FREM3: variants seen among roughly 807,000 people sequenced by gnomAD.
The protein encoded by FREM3 is FRAS1 related extracellular matrix 3.
In FREM3, 105 loss-of-function variants were observed where a neutral mutation model predicts 129.1. The ratio of observed to expected loss-of-function variants is 0.81; its 90% confidence interval spans 0.69 to 0.96. The LOEUF is 0.96. Ranked by LOEUF, FREM3 falls within the 40% of genes least tolerant of loss-of-function variation. The pLI is 0.00. For missense variants in FREM3, 2,593 were observed against 2,666.3 expected (o/e 0.97, Z 0.61); for synonymous variants, 1,014 against 1,044.9 (o/e 0.97, Z 0.57).
rs1026287539 is a variant in FREM3 at position 143,698,737 on chromosome 4, G to C, written c.1939C>G (p.Gln647Glu). 1.5e-4 allele frequency: 234 copies of C among 1,537,148 alleles called. No homozygotes were observed. Among genetic ancestry groups the C allele is most frequent in the Non-Finnish European group, 2.0e-4 (231 of 1,146,944 alleles). The change falls in exon 1 of 8, where the codon CAG becomes GAG. Residue 647 changes from glutamine (Q) to glutamate (E), a missense_variant. Physicochemically the swap from Gln to Glu is conservative, Grantham distance 29. This residue lies in a region of FREM3 where 2,276 missense variants were observed against 2,267.2 expected (regional missense o/e 1.00). Transcript: ENST00000329798. Reference sequence around the variant, plus strand: ...AGTCTCCCTTCCATTATGTCTCTCTGTAGCCACTCAGTCACCACTTTCTCA... The same window carrying C: ...AGTCTCCCTTCCATTATGTCTCTCTCTAGCCACTCAGTCACCACTTTCTCA... Reference protein sequence around the residue: ...LYEKVVTEWLQRDIMEGRLFY... With the variant: ...LYEKVVTEWLERDIMEGRLFY...
chr4:143,615,915 C>G (rs908196450), intron 5 of FREM3, among the ~76,000 whole-genome samples: 4 of 152,140 alleles, frequency 2.6e-5, no homozygotes, highest in Non-Finnish European at 4.4e-5. Flanking sequence ...CCTCACAGAG[C>G]TGACTTGGAA....
chr4:143,686,924 G>A (rs915089999), intron 2 of FREM3, among the ~76,000 whole-genome samples: 1 of 151,804 alleles, frequency 6.6e-6, no homozygotes, highest in East Asian at 1.9e-4. Flanking sequence ...GGAGAAACAA[G>A]AACAAACCAA....
At chr4:143,581,097 C>T (rs907234820) in intron 7 of FREM3, among the ~76,000 whole-genome samples, 4 of 152,218 alleles carry the variant, frequency 2.6e-5, no homozygotes, top group Admixed American at 1.3e-4. Context: ...TCAGGACTAA[C>T]TCAGGCCTCC....
At position 143,655,795 on chromosome 4, in the gene FREM3, C is replaced by T. The variant is rs116267698; in HGVS notation, c.5276-28035G>A. On this transcript the variant is annotated intron_variant, in intron 2 of 7. Coordinates refer to ENST00000329798, the MANE Select transcript of FREM3 (RefSeq NM_001168235.2). ...CCTACAAGGGGCAAGGACCAGGGGC[C>T]CAGGGCATAGCTAGAGGCTATAAGC... 4.3e-3 allele frequency among the ~76,000 whole-genome samples: 654 copies of T among 152,238 alleles called. 2 individuals are homozygous for T. Among genetic ancestry groups the T allele is most frequent in the African/African-American group, 0.015 (626 of 41,528 alleles).
At chr4:143,694,436 A>G (rs569040688) in intron 1 of FREM3, among the ~76,000 whole-genome samples, 3 of 152,012 alleles carry the variant, frequency 2.0e-5, no homozygotes, top group African/African-American at 4.8e-5. Context: ...CCTATTGGCT[A>G]TTCTCTTGGG....
chr4:143,674,306 A>T (rs1392739800), intron 2 of FREM3, among the ~76,000 whole-genome samples: 1 of 152,194 alleles, frequency 6.6e-6, no homozygotes, highest in Admixed American at 6.5e-5. Context: ...TCATAAGTGG[A>T]GGAGAAATAA....
At position 143,591,560 on chromosome 4, in the gene FREM3, T is replaced by C. The variant is rs1409953785; in HGVS notation, c.6029-5567A>G. Among the ~76,000 whole-genome samples the C allele has an allele frequency of 3.3e-5, 5 of 152,322 alleles. No individual in the cohort carries two copies. The East Asian group carries it at 9.6e-4, about 29-fold the overall frequency. Reference sequence around the variant, plus strand: ...TGTAGTTGAGCGGTTTTGAGTGAGTTTCTTAATCCTGAGTAGTAGTTTGAT... The same window carrying C: ...TGTAGTTGAGCGGTTTTGAGTGAGTCTCTTAATCCTGAGTAGTAGTTTGAT... On this transcript the variant is annotated intron_variant, in intron 6 of 7. Coordinates refer to ENST00000329798, the MANE Select transcript of FREM3 (RefSeq NM_001168235.2).
intron 2 of FREM3, among the ~76,000 whole-genome samples, chr4:143,655,158 G>A (rs1417143803): frequency 2.0e-5 from 3 of 152,140 alleles, no homozygotes; most frequent in African/African-American, 7.2e-5. Flanking sequence ...TCATTGTACT[G>A]TGCACCAGTG....
rs1029021343 is a variant in FREM3 at position 143,700,169 on chromosome 4, C to T, written c.507G>A (p.Leu169=). ...CTACCAAAGGCCTGTTACGCGTCAC[C>T]AGCTCCAGCTGGGAGAAGACCAAGT... The part of the protein sequence containing the change: ...AVDLVFSQLE[L]VTRNRPLVVE... The change falls in exon 1 of 8, where the codon CTG becomes CTA. Residue 169 remains leucine, a synonymous_variant. Transcript: ENST00000329798. The T allele has an allele frequency of 3.3e-6, 5 of 1,536,936 alleles. No homozygotes were observed. In the Admixed American group the frequency reaches 7.8e-5, roughly 24 times the overall value.
Position 143,661,527 on chromosome 4 carries a change from C to G in FREM3, c.5275+31586G>C, listed in dbSNP as rs1055382947. ...TGAGGATTTTTGCGTCAATGTTCAT[C>G]AAGGATATTGGTCTAAAATTCTCTT... On this transcript the variant is annotated intron_variant, in intron 2 of 7. Transcript: ENST00000329798. Among the ~76,000 whole-genome samples, 4 of 151,722 alleles carry G rather than the reference C, an allele frequency of 2.6e-5. No individual in the cohort carries two copies. In the South Asian group the frequency reaches 6.3e-4, roughly 24 times the overall value.
At chr4:143,636,154 A>T (rs1739229856) in intron 2 of FREM3, among the ~76,000 whole-genome samples, 1 of 151,080 alleles carries the variant, frequency 6.6e-6, no homozygotes, top group African/African-American at 2.4e-5. Context: ...AGTAGAAAAC[A>T]TTGTTTTTGT....
chr4:143,591,411 A>G (rs1443290864), intron 6 of FREM3, among the ~76,000 whole-genome samples: 2 of 152,148 alleles, frequency 1.3e-5, no homozygotes, highest in African/African-American at 4.8e-5. Flanking sequence ...ACTGCTTTGA[A>G]TGTGTCCCAG....
intron 2 of FREM3, among the ~76,000 whole-genome samples, chr4:143,658,110 T>C (rs1279584077): frequency 6.6e-6 from 1 of 152,214 alleles, no homozygotes; most frequent in Non-Finnish European, 1.5e-5. Context: ...CTGGTCTTCA[T>C]AGTGCAAACA....
At chr4:143,591,666 G>T (rs1174131821) in intron 6 of FREM3, among the ~76,000 whole-genome samples, 1 of 152,072 alleles carries the variant, frequency 6.6e-6, no homozygotes, top group African/African-American at 2.4e-5. Context: ...CCAACTATGT[G>T]GTCAGTTTTG....
At position 143,695,829 on chromosome 4, in the gene FREM3, G is replaced by A. The variant is rs1030008978; in HGVS notation, c.4847C>T (p.Thr1616Ile). The change falls in exon 1 of 8, where the codon ACT becomes ATT. Residue 1616 changes from threonine to isoleucine, a missense_variant. Thr to Ile is a moderately conservative substitution (Grantham distance 89). Transcript: ENST00000329798. Reference sequence around the variant, plus strand: ...CACAGTCAAGGAGAAACTATCTTCAGTGGTCTCACTGCCGTCATGCTTGTA... The same window carrying A: ...CACAGTCAAGGAGAAACTATCTTCAATGGTCTCACTGCCGTCATGCTTGTA... ...ISYKHDGSET[T>I]EDSFSLTVTD... 6.5e-7 allele frequency: 1 copy of A among 1,537,316 alleles called. No individual in the cohort carries two copies. Among genetic ancestry groups the A allele is most frequent in the South Asian group, 1.2e-5 (1 of 84,062 alleles).
intron 2 of FREM3, among the ~76,000 whole-genome samples, chr4:143,654,933 C>G (rs1055984482): frequency 2.6e-5 from 4 of 152,168 alleles, no homozygotes; most frequent in Non-Finnish European, 4.4e-5. Flanking sequence ...GAGTTGAAGA[C>G]AGTGAGCAAA....
At chr4:143,681,727 A>AAGAAG (rs953743745) in intron 2 of FREM3, among the ~76,000 whole-genome samples, 1 of 152,214 alleles carries the variant, frequency 6.6e-6, no homozygotes, top group Admixed American at 6.5e-5. Flanking sequence ...TGTGAGAGGA[A>AAGAAG]AGAAGAGAAG....
chr4:143,599,582 GA>G lies in FREM3; in HGVS notation c.6028+11696del, dbSNP rs1416344081. Among the ~76,000 whole-genome samples, 8 of 152,298 alleles carry G rather than the reference GA, an allele frequency of 5.3e-5. No homozygotes were observed. In the East Asian group the frequency reaches 1.2e-3, roughly 22 times the overall value. On this transcript the variant is annotated intron_variant, in intron 6 of 7. Coordinates refer to ENST00000329798, the MANE Select transcript of FREM3 (RefSeq NM_001168235.2). ...GATTATGGTAGGAGGTGTGGAGGTA[GA>G]AACAGATCTGACTTGAATCATGTCA...
At chr4:143,600,149 A>G (rs1358394496) in intron 6 of FREM3, among the ~76,000 whole-genome samples, 1 of 152,204 alleles carries the variant, frequency 6.6e-6, no homozygotes, top group African/African-American at 2.4e-5. Flanking sequence ...GACAGTGGCT[A>G]GCATAAAAAG....
Sources: gnomAD v4.1 joint callset for allele counts (sites outside exome capture counted in the v4.1 genomes callset) on GRCh38, gnomAD v4.1.1 for gene constraint, gnomAD v4.1.1 regional missense constraint, MANE v1.5 for transcripts, NCBI Gene and HGNC (gene_info 2026-07-23, HGNC 2026-07-21) for gene names.